The following ADAMTS6 variants were observed in gnomAD, a reference collection of about 807,000 sequenced individuals.
The protein encoded by ADAMTS6 is A disintegrin and metalloproteinase with thrombospondin motifs 6.
A neutral mutation model predicts 144.3 loss-of-function variants in ADAMTS6; 23 were observed. The ratio of observed to expected loss-of-function variants is 0.16; its 90% CI spans 0.11 to 0.23. The LOEUF is 0.23. Among genes scored for constraint, ADAMTS6 ranks in the 10% least tolerant of loss-of-function variants. The pLI is 1.00. For missense variants in ADAMTS6, 999 were observed against 1,379.6 expected (o/e 0.72, Z 4.37); for synonymous variants, 444 against 457.5 (o/e 0.97, Z 0.38).
chr5:65,247,981 A>T (rs6885059), intron 14 of ADAMTS6, among the ~76,000 whole-genome samples: 1 of 151,970 alleles, frequency 6.6e-6, no homozygotes, highest in African/African-American at 2.4e-5. Context: ...AACCCCTGCC[A>T]TGCTTAGCAA....
intron 14 of ADAMTS6, among the ~76,000 whole-genome samples, chr5:65,258,490 C>T (rs1159756934): frequency 3.3e-5 from 5 of 152,074 alleles, no homozygotes; most frequent in African/African-American, 9.7e-5. Context: ...AAATGGGGAG[C>T]CATTGAGGGG....
rs199992016 is a variant in ADAMTS6, at chr5:65,172,824, C to T, written c.3087+8G>A. ...TTTCAGCAGGAGCCCACAGTACAAACGCCTTACCTGGCCCCAGTCTCCTGT... is the reference window on the plus strand; with the variant it reads ...TTTCAGCAGGAGCCCACAGTACAAATGCCTTACCTGGCCCCAGTCTCCTGT... On this transcript the variant is annotated splice_region_variant and intron_variant, in intron 23 of 24. Coordinates refer to ENST00000381055, the MANE Select transcript of ADAMTS6 (RefSeq NM_197941.4). 5.2e-4 allele frequency: 844 copies of T among 1,612,834 alleles called. 1 individual carries two copies. The highest frequency in any genetic ancestry group is 4.6e-3 in the Middle Eastern group (28 of 6,058).
chr5:65,443,622 CAAAAAAAAA>C (rs59240974), intron 7 of ADAMTS6, among the ~76,000 whole-genome samples: 2 of 69,122 alleles, frequency 2.9e-5, no homozygotes, highest in Non-Finnish European at 5.2e-5. Context: ...GACCCTGTCT[CAAAAAAAAA>C]AAAAAAAAAA....
chr5:65,218,658 T>A (rs1757096444), intron 18 of ADAMTS6, among the ~76,000 whole-genome samples: 1 of 152,116 alleles, frequency 6.6e-6, no homozygotes, highest in South Asian at 2.1e-4. Flanking sequence ...GAAACTGAGA[T>A]CTATACAAAG....
chr5:65,312,348 A>G (rs1035655476), intron 9 of ADAMTS6, among the ~76,000 whole-genome samples: 15 of 152,058 alleles, frequency 9.9e-5, no homozygotes, highest in Non-Finnish European at 7.4e-5. Context: ...AACTGTTCTT[A>G]TACATAACTG....
At chr5:65,423,829 C>G (rs1756276311) in intron 7 of ADAMTS6, among the ~76,000 whole-genome samples, 1 of 152,124 alleles carries the variant, frequency 6.6e-6, no homozygotes. Flanking sequence ...ACTTTAATAG[C>G]TGCTACTTCA....
chr5:65,311,282 G>T (rs534319338), intron 9 of ADAMTS6, among the ~76,000 whole-genome samples: 29 of 152,094 alleles, frequency 1.9e-4, no homozygotes, highest in African/African-American at 7.0e-4. Flanking sequence ...GTAATAAAAG[G>T]GTAAAAGGGG....
At chr5:65,281,535 G>T (rs1390999459) in intron 11 of ADAMTS6, among the ~76,000 whole-genome samples, 1 of 151,930 alleles carries the variant, frequency 6.6e-6, no homozygotes, top group Non-Finnish European at 1.5e-5. Flanking sequence ...ATTTTAAAAA[G>T]ATACTGTTAA....
intron 20 of ADAMTS6, among the ~76,000 whole-genome samples, chr5:65,197,552 T>C (rs373812496): frequency 6.6e-6 from 1 of 152,208 alleles, no homozygotes; most frequent in Admixed American, 6.5e-5. Flanking sequence ...TATTTAAAAA[T>C]AGAACAATAG....
chr5:65,178,120 C>T (rs780046111), intron 22 of ADAMTS6, among the ~76,000 whole-genome samples: 6 of 152,152 alleles, frequency 3.9e-5, no homozygotes, highest in African/African-American at 1.2e-4. Context: ...TGTTCATCCC[C>T]GAGCGGATGT....
At chr5:65,479,741 G>C (rs1425319222) in intron 1 of ADAMTS6, among the ~76,000 whole-genome samples, 1 of 152,210 alleles carries the variant, frequency 6.6e-6, no homozygotes, top group Non-Finnish European at 1.5e-5. Context: ...GAAGTGCTAA[G>C]AGTAGACAAG....
At chr5:65,337,890 T>C (rs1482128965) in intron 7 of ADAMTS6, among the ~76,000 whole-genome samples, 1 of 152,182 alleles carries the variant, frequency 6.6e-6, no homozygotes, top group Non-Finnish European at 1.5e-5. Context: ...ATTGGTATAC[T>C]TTTAGGACTT....
At chr5:65,213,570 G>A (rs914109754) in intron 20 of ADAMTS6, among the ~76,000 whole-genome samples, 8 of 151,890 alleles carry the variant, frequency 5.3e-5, no homozygotes, top group African/African-American at 1.9e-4. Context: ...AGGAGGTTGA[G>A]GCTGCAGTGA....
At chr5:65,200,290 A>G (rs1385085974) in intron 20 of ADAMTS6, among the ~76,000 whole-genome samples, 4 of 152,204 alleles carry the variant, frequency 2.6e-5, no homozygotes, top group Non-Finnish European at 1.5e-5. Context: ...ATACTTTTGA[A>G]TTAAGGAAAA....
intron 1 of ADAMTS6, among the ~76,000 whole-genome samples, chr5:65,480,401 G>A (rs1371286707): frequency 2.7e-5 from 4 of 150,210 alleles, no homozygotes; most frequent in African/African-American, 7.4e-5. Context: ...TTAACATTCA[G>A]CAGCCCATTT....
chr5:65,370,473 G>A (rs527697648), intron 7 of ADAMTS6, among the ~76,000 whole-genome samples: 97 of 152,296 alleles, frequency 6.4e-4, no homozygotes, highest in Non-Finnish European at 7.6e-4. Flanking sequence ...GAAGCGCAAG[G>A]GGTCAGGGAG....
Position 65,355,566 on chromosome 5 carries a change from C to A in ADAMTS6, c.1074-21481G>T, listed in dbSNP as rs142795264. Among the ~76,000 whole-genome samples, 364 of 151,934 alleles carry A rather than the reference C, an allele frequency of 2.4e-3. 1 individual carries two copies. Among genetic ancestry groups the A allele is most frequent in the African/African-American group, 8.4e-3 (349 of 41,534 alleles). Reference sequence around the variant, plus strand: ...ATGCCTTCTCTAAATCCATCTTTAGCCCGTCATGGCACTTAGCCACTTAGA... The same window carrying A: ...ATGCCTTCTCTAAATCCATCTTTAGACCGTCATGGCACTTAGCCACTTAGA... On this transcript the variant is annotated intron_variant, in intron 7 of 24. Coordinates refer to ENST00000381055, the MANE Select transcript of ADAMTS6 (RefSeq NM_197941.4).
chr5:65,383,627 T>G (rs1294700354), intron 7 of ADAMTS6, among the ~76,000 whole-genome samples: 1 of 152,124 alleles, frequency 6.6e-6, no homozygotes, highest in African/African-American at 2.4e-5. Flanking sequence ...TCTCACCAAT[T>G]GTAGTCATGT....
chr5:65,473,527 G>T (rs1181103191), intron 2 of ADAMTS6, 50 bp downstream of exon 2: 5 of 1,482,150 alleles, frequency 3.4e-6, no homozygotes, highest in Admixed American at 1.8e-5. Context: ...ATCTTTTCTT[G>T]TCCAATTAAT....
Sources: allele counts gnomAD v4.1 joint callset (sites outside exome capture counted in the v4.1 genomes callset), GRCh38; gene constraint gnomAD v4.1.1; transcripts MANE v1.5; gene names NCBI Gene and HGNC (gene_info 2026-07-23, HGNC 2026-07-21).